SORBS2: variants seen among roughly 807,000 people sequenced by gnomAD.
SORBS2 encodes sorbin and SH3 domain containing 2.
A neutral mutation model predicts 97.7 loss-of-function variants in SORBS2; 46 were observed. The observed-to-expected ratio is 0.47, with a 90% CI of 0.37 to 0.60. The LOEUF (loss-of-function observed/expected upper bound fraction) is 0.60. Among genes scored for constraint, SORBS2 ranks in the 20% least tolerant of loss-of-function variants. The probability of loss-of-function intolerance (pLI) is 0.00; values close to 1 mark genes in which losing one functional copy is unlikely to be tolerated. For synonymous variants in SORBS2, 476 were observed against 473.4 expected, an observed-to-expected ratio of 1.01 and a Z score of -0.07; for missense variants, 1,316 against 1,282.3, an observed-to-expected ratio of 1.03 and a Z score of -0.40.
intron 2 of SORBS2, among the ~76,000 whole-genome samples, chr4:185,688,403 T>C (rs954293398): frequency 6.6e-6 from 1 of 150,736 alleles, no homozygotes; most frequent in Non-Finnish European, 1.5e-5. Flanking sequence ...TATTGATATA[T>C]ATATCAATAA....
intron 6 of SORBS2, among the ~76,000 whole-genome samples, chr4:185,625,023 G>A (rs938224938): frequency 1.9e-4 from 29 of 152,136 alleles, no homozygotes; most frequent in African/African-American, 6.7e-4. Flanking sequence ...ATTTTTTGTG[G>A]GTTTTAGATT....
chr4:185,870,577 T>G (rs1046382039), intron 1 of SORBS2, among the ~76,000 whole-genome samples: 5 of 152,236 alleles, frequency 3.3e-5, no homozygotes, highest in African/African-American at 1.2e-4. Context: ...AGCTCGTGTC[T>G]GAGGTTGGCA....
chr4:185,806,364 A>G (rs954192852), intron 1 of SORBS2, among the ~76,000 whole-genome samples: 9 of 150,760 alleles, frequency 6.0e-5, no homozygotes, highest in African/African-American at 2.0e-4. Flanking sequence ...AACACTTGCC[A>G]TTCTTCATGG....
intron 1 of SORBS2, among the ~76,000 whole-genome samples, chr4:185,945,470 G>C (rs770742110): frequency 6.6e-6 from 1 of 152,188 alleles, no homozygotes; most frequent in Admixed American, 6.5e-5. Context: ...AATGAAAAAT[G>C]ATGATGATTC....
At chr4:185,845,173 C>T (rs1289319650) in intron 1 of SORBS2, among the ~76,000 whole-genome samples, 6 of 151,922 alleles carry the variant, frequency 3.9e-5, no homozygotes, top group Non-Finnish European at 7.4e-5. Context: ...CCACCACCCC[C>T]CAGCTAATTT....
intron 1 of SORBS2, among the ~76,000 whole-genome samples, chr4:185,827,063 TCATCAC>T (rs1285039836): frequency 8.1e-5 from 9 of 111,396 alleles, no homozygotes; most frequent in Admixed American, 3.0e-4. Flanking sequence ...ACCATCATCA[TCATCAC>T]CATCATCATC....
chr4:185,591,623 G>C (rs1341315258), intron 13 of SORBS2, among the ~76,000 whole-genome samples: 1 of 152,182 alleles, frequency 6.6e-6, no homozygotes, highest in Non-Finnish European at 1.5e-5. Context: ...ACATTTGAGA[G>C]AGATGGTGGT....
intron 1 of SORBS2, among the ~76,000 whole-genome samples, chr4:185,838,659 C>T (rs1407953695): frequency 6.6e-6 from 1 of 152,246 alleles, no homozygotes; most frequent in Non-Finnish European, 1.5e-5. Context: ...CCTGCCTTGT[C>T]TTCAGTCTCC....
chr4:185,943,717 A>G (rs1420424839), intron 1 of SORBS2, among the ~76,000 whole-genome samples: 1 of 152,228 alleles, frequency 6.6e-6, no homozygotes, highest in African/African-American at 2.4e-5. Flanking sequence ...AACAATTGAA[A>G]AAGACTAAAA....
chr4:185,819,579 C>A (rs1342255007), intron 1 of SORBS2, among the ~76,000 whole-genome samples: 1 of 152,220 alleles, frequency 6.6e-6, no homozygotes, highest in Non-Finnish European at 1.5e-5. Flanking sequence ...GGATAGACAA[C>A]AAGCTGCCTC....
intron 1 of SORBS2, among the ~76,000 whole-genome samples, chr4:185,817,429 G>C (rs755400753): frequency 1.3e-5 from 2 of 152,150 alleles, no homozygotes; most frequent in African/African-American, 4.8e-5. Flanking sequence ...CTTAAAAAGC[G>C]ACCTGGAAAG....
intron 1 of SORBS2, among the ~76,000 whole-genome samples, chr4:185,844,306 G>C (rs940138082): frequency 6.6e-6 from 1 of 152,154 alleles, no homozygotes; most frequent in Admixed American, 6.5e-5. Flanking sequence ...GGCTCAAAGA[G>C]ACATTTCTCT....
In SORBS2 at chr4:185,806,434, C is replaced by CTGTTTTTTTTTTTTT. The variant is rs2099153884; in HGVS notation, c.-337-31069_-337-31068insAAAAAAAAAAAAACA. On this transcript the variant is annotated intron_variant, in intron 1 of 20. Transcript: ENST00000284776. ...AGTGGCACAGCTCTTGGCTAGAATC[C>CTGTTTTTTTTTTTTT]TATTTTTTTTTTTTTTTTTTTTTTT... Among the ~76,000 whole-genome samples, 12 of 108,148 alleles carry CTGTTTTTTTTTTTTT rather than the reference C, an allele frequency of 1.1e-4. 5 individuals carry two copies. The highest frequency in any genetic ancestry group is 3.7e-4 in the African/African-American group (10 of 27,294). 70.9% of individuals were successfully genotyped at this position (108,148 alleles called of 152,430 possible). A position where few individuals can be genotyped will look rare whatever the true frequency, so the allele number is the denominator to read the frequency against.
At chr4:185,633,225 T>C (rs1165263564) in intron 4 of SORBS2, among the ~76,000 whole-genome samples, 3 of 152,180 alleles carry the variant, frequency 2.0e-5, no homozygotes, top group Non-Finnish European at 4.4e-5. Context: ...AGGCAGTTGA[T>C]AAACGGTAGC....
chr4:185,608,949 G>T lies in SORBS2; in HGVS notation c.2796+2831C>A, dbSNP rs116037528. ...GTGATGCATTTCCTACTTAACTTTT[G>T]ACTCCTGTGTCCTATAGTAGGAGTG... On this transcript the variant is annotated intron_variant, in intron 12 of 14. Coordinates refer to ENST00000418609, the Ensembl canonical transcript of SORBS2. 8.3e-3 allele frequency among the ~76,000 whole-genome samples: 1,267 copies of T among 152,020 alleles called. 17 individuals are homozygous for T. Among genetic ancestry groups the T allele is most frequent in the African/African-American group, 0.03 (1,231 of 41,454 alleles).
At chr4:185,941,775 G>A (rs1176240526) in intron 1 of SORBS2, among the ~76,000 whole-genome samples, 9 of 152,162 alleles carry the variant, frequency 5.9e-5, no homozygotes, top group Admixed American at 3.3e-4. Context: ...TGGAAAGAAC[G>A]TTAGAGATTA....
chr4:185,881,350 C>G (rs1047395045), intron 1 of SORBS2, among the ~76,000 whole-genome samples: 1 of 152,106 alleles, frequency 6.6e-6, no homozygotes, highest in African/African-American at 2.4e-5. Flanking sequence ...TAGCACCAAA[C>G]CTTCTTTTTA....
At chr4:185,939,632 T>G (rs2099270857) in intron 1 of SORBS2, among the ~76,000 whole-genome samples, 1 of 152,174 alleles carries the variant, frequency 6.6e-6, no homozygotes, top group Admixed American at 6.5e-5. Flanking sequence ...TGCCTCAGCC[T>G]CCCTAGTAGC....
upstream of SORBS2, among the ~76,000 whole-genome samples, chr4:185,660,110 T>C (rs373515735): frequency 6.6e-6 from 1 of 152,250 alleles, no homozygotes; most frequent in Non-Finnish European, 1.5e-5. Context: ...AGTGTTTACA[T>C]TGGGAATTTC....
Sources: gnomAD v4.1 joint callset for allele counts (sites outside exome capture counted in the v4.1 genomes callset) on GRCh38, gnomAD v4.1.1 for gene constraint, MANE v1.5 for transcripts, NCBI Gene and HGNC (gene_info 2026-07-23, HGNC 2026-07-21) for gene names.